Variants in NTM observed in about 807,000 individuals in gnomAD.
NTM encodes IgLON family member 2.
A neutral mutation model predicts 42.1 loss-of-function variants in NTM; 13 were observed. The observed-to-expected ratio is 0.31, with a 90% confidence interval of 0.20 to 0.49. NTM has a LOEUF of 0.49. NTM is among the 20% of genes least tolerant of loss of function. NTM has a pLI of 0.99. For synonymous variants in NTM, 187 were observed against 179.2 expected, an observed-to-expected ratio of 1.04 and a Z score of -0.35; for missense variants, 373 against 452.8, an observed-to-expected ratio of 0.82 and a Z score of 1.60.
chr11:131,523,876 A>C (rs2175969), intron 1 of NTM, among the ~76,000 whole-genome samples: 4,088 of 151,436 alleles, frequency 0.027, 180 homozygotes, highest in African/African-American at 0.091. Context: ...TTCTCTGTGC[A>C]GTTTGAAAAT....
At chr11:131,818,061 C>T (rs190954841) in intron 1 of NTM, among the ~76,000 whole-genome samples, 23 of 152,238 alleles carry the variant, frequency 1.5e-4, no homozygotes, top group African/African-American at 3.6e-4. Flanking sequence ...CACACATCAG[C>T]GGCTTTTGGC....
intron 2 of NTM, among the ~76,000 whole-genome samples, chr11:132,114,339 C>T (rs11532039): frequency 0.22 from 33,787 of 152,088 alleles, 4,786 homozygotes; most frequent in Non-Finnish European, 0.31. Context: ...TAGGCCCCTG[C>T]GACCCAGTGT....
At chr11:131,641,899 GTA>G (rs995058914) in intron 1 of NTM, among the ~76,000 whole-genome samples, 1 of 151,922 alleles carries the variant, frequency 6.6e-6, no homozygotes, top group Non-Finnish European at 1.5e-5. Context: ...GTTAATTTTT[GTA>G]TTTTTAGTAG....
intron 6 of NTM, 69 bp from the exon 7 acceptor site, chr11:132,314,483 G>A: frequency 6.6e-7 from 1 of 1,510,902 alleles, no homozygotes; most frequent in South Asian, 1.4e-5. Flanking sequence ...GAATCCCTGG[G>A]CCTATCTTCT....
At chr11:132,125,704 GGTGTGTAGTGTGTGGTGTGTGATGT>G (rs2065656218) in intron 2 of NTM, among the ~76,000 whole-genome samples, 1 of 152,154 alleles carries the variant, frequency 6.6e-6, no homozygotes, top group Non-Finnish European at 1.5e-5. Context: ...GTGTGAGTGT[GGTGTGTAGTGTGTGGTGTGTGATGT>G]GTGTGTGGTA....
At chr11:131,489,743 T>C (rs993788241) in intron 1 of NTM, among the ~76,000 whole-genome samples, 1 of 152,196 alleles carries the variant, frequency 6.6e-6, no homozygotes, top group Non-Finnish European at 1.5e-5. Flanking sequence ...CAACATACAT[T>C]ACTAAAAGAA....
intron 1 of NTM, among the ~76,000 whole-genome samples, chr11:131,763,696 C>T (rs1182244170): frequency 3.5e-5 from 4 of 114,146 alleles, no homozygotes; most frequent in Admixed American, 2.0e-4. Context: ...TATCCACAGG[C>T]CCATCTCTCT....
intron 1 of NTM, among the ~76,000 whole-genome samples, chr11:131,777,626 T>A (rs1278833999): frequency 1.3e-5 from 2 of 151,930 alleles, no homozygotes; most frequent in African/African-American, 4.8e-5. Flanking sequence ...TTTACCCTCA[T>A]TTTTTCAAAA....
At chr11:131,507,559 T>C (rs2047644499) in intron 1 of NTM, among the ~76,000 whole-genome samples, 1 of 151,922 alleles carries the variant, frequency 6.6e-6, no homozygotes, top group Non-Finnish European at 1.5e-5. Flanking sequence ...TGGTTCCGTA[T>C]GAACTTTAAA....
At chr11:131,642,425 A>G (rs1389345030) in intron 1 of NTM, among the ~76,000 whole-genome samples, 1 of 152,064 alleles carries the variant, frequency 6.6e-6, no homozygotes, top group Non-Finnish European at 1.5e-5. Flanking sequence ...ACAATATAAA[A>G]CTCCAATAAA....
intron 4 of NTM, among the ~76,000 whole-genome samples, chr11:132,303,588 A>G (rs953866791): frequency 2.0e-5 from 3 of 152,136 alleles, no homozygotes; most frequent in Admixed American, 6.5e-5. Context: ...GATGGTTAGG[A>G]TCTCAACATA....
intron 1 of NTM, among the ~76,000 whole-genome samples, chr11:131,478,260 T>G (rs1279799890): frequency 6.6e-6 from 1 of 152,202 alleles, no homozygotes; most frequent in East Asian, 1.9e-4. Flanking sequence ...CATATCGTGC[T>G]TTCACTGCCT....
chr11:131,608,601 C>T (rs1397124612), intron 1 of NTM, among the ~76,000 whole-genome samples: 5 of 152,202 alleles, frequency 3.3e-5, no homozygotes, highest in East Asian at 1.9e-4. Flanking sequence ...CATGAAGCCA[C>T]GGCCCTCGAT....
intron 1 of NTM, among the ~76,000 whole-genome samples, chr11:131,636,028 T>A (rs1230861654): frequency 6.6e-6 from 1 of 152,238 alleles, no homozygotes; most frequent in Non-Finnish European, 1.5e-5. Flanking sequence ...AAGTGCTCTA[T>A]GATGTTCATA....
chr11:131,760,390 C>T (rs2083967783), intron 1 of NTM, among the ~76,000 whole-genome samples: 1 of 152,092 alleles, frequency 6.6e-6, no homozygotes, highest in African/African-American at 2.4e-5. Context: ...AGAAAAAAAT[C>T]CCTGAGATTT....
At chr11:131,371,460 G>A (rs1189980979) in intron 1 of NTM, among the ~76,000 whole-genome samples, 1 of 152,182 alleles carries the variant, frequency 6.6e-6, no homozygotes, top group African/African-American at 2.4e-5. Flanking sequence ...AAATGTGTTC[G>A]GGGGTGTGTT....
At chr11:131,574,969 GCT>G (rs545310802) in intron 1 of NTM, among the ~76,000 whole-genome samples, 133 of 152,250 alleles carry the variant, frequency 8.7e-4, no homozygotes, top group South Asian at 3.5e-3. Flanking sequence ...TGTGGCCTGA[GCT>G]CTCTCAGGCT....
At chr11:131,596,157 G>A (rs752968626) in intron 1 of NTM, among the ~76,000 whole-genome samples, 1 of 152,174 alleles carries the variant, frequency 6.6e-6, no homozygotes, top group Non-Finnish European at 1.5e-5. Context: ...AAACTCCGAG[G>A]TGCTGTTGAC....
chr11:131,751,383 G>T (rs1256952787), intron 1 of NTM, among the ~76,000 whole-genome samples: 2 of 152,076 alleles, frequency 1.3e-5, no homozygotes, highest in African/African-American at 2.4e-5. Flanking sequence ...GAGGTCAGGG[G>T]ATCGAGACCA....
Sources: gnomAD v4.1 joint callset for allele counts (sites outside exome capture counted in the v4.1 genomes callset) on GRCh38, gnomAD v4.1.1 for gene constraint, MANE v1.5 for transcripts, NCBI Gene and HGNC (gene_info 2026-07-23, HGNC 2026-07-21) for gene names.